The following ERC2 variants were observed in gnomAD, a reference collection of about 807,000 sequenced individuals.
ERC2 encodes the protein ERC protein 2.
In ERC2, 42 loss-of-function variants were observed where a neutral mutation model predicts 114.8. The observed-to-expected ratio is 0.37, with a 90% CI of 0.29 to 0.47. ERC2 has a LOEUF of 0.47. Ranked by LOEUF, ERC2 falls within the 20% of genes least tolerant of loss-of-function variation. The probability of loss-of-function intolerance (pLI) is 0.99; values close to 1 mark genes in which losing one functional copy is unlikely to be tolerated. For missense variants in ERC2, 939 were observed against 1,150.7 expected, an observed-to-expected ratio of 0.82 and a Z score of 2.66; for synonymous variants, 454 against 425.5, an observed-to-expected ratio of 1.07 and a Z score of -0.82.
chr3:55,559,256 G>GAT (rs2055839589), intron 17 of ERC2, among the ~76,000 whole-genome samples: 1 of 152,218 alleles, frequency 6.6e-6, no homozygotes, highest in East Asian at 1.9e-4. Flanking sequence ...GAAAGCAATG[G>GAT]TTCTCCAACT....
At chr3:55,531,694 G>A (rs2053678032) in intron 17 of ERC2, among the ~76,000 whole-genome samples, 1 of 152,164 alleles carries the variant, frequency 6.6e-6, no homozygotes, top group Admixed American at 6.5e-5. Flanking sequence ...CTGCTGATGG[G>A]AACCCTCAGC....
chr3:55,828,885 T>A (rs2060450329), intron 14 of ERC2, among the ~76,000 whole-genome samples: 1 of 152,178 alleles, frequency 6.6e-6, no homozygotes, highest in Non-Finnish European at 1.5e-5. Context: ...ATGCCTATAA[T>A]CCCAGCACTT....
At chr3:56,415,739 G>A (rs2061125473) in intron 2 of ERC2, among the ~76,000 whole-genome samples, 1 of 152,184 alleles carries the variant, frequency 6.6e-6, no homozygotes, top group Admixed American at 6.5e-5. Flanking sequence ...CTGGGGAAAT[G>A]CTGGTAGCTC....
intron 15 of ERC2, among the ~76,000 whole-genome samples, chr3:55,716,424 G>C (rs1002149087): frequency 1.3e-5 from 2 of 152,182 alleles, no homozygotes; most frequent in African/African-American, 4.8e-5. Flanking sequence ...ATAACTAGCA[G>C]GGTCCTGGAG....
rs146569804 is a variant in ERC2, at chr3:56,443,802, C to T, written c.-140-8655G>A. On this transcript the variant is annotated intron_variant, in intron 1 of 17. Transcript: ENST00000288221. Reference sequence around the variant, plus strand: ...CAATCATGTCTTCCATTGCCCATTACTGACTTAAAACTATTTTTAAGCTTT... The same window carrying T: ...CAATCATGTCTTCCATTGCCCATTATTGACTTAAAACTATTTTTAAGCTTT... Among the ~76,000 whole-genome samples, 1,510 of 152,086 alleles carry T rather than the reference C, an allele frequency of 9.9e-3. 25 individuals carry two copies. The highest frequency in any genetic ancestry group is 0.034 in the African/African-American group (1,429 of 41,478).
intron 2 of ERC2, among the ~76,000 whole-genome samples, chr3:56,298,139 C>T (rs1344826341): frequency 6.6e-6 from 1 of 152,174 alleles, no homozygotes; most frequent in African/African-American, 2.4e-5. Context: ...TTTAACATTA[C>T]CTCAGAGACA....
chr3:55,859,336 C>T (rs1330286025), intron 14 of ERC2, among the ~76,000 whole-genome samples: 1 of 151,774 alleles, frequency 6.6e-6, no homozygotes, highest in Non-Finnish European at 1.5e-5. Context: ...CTCGCAGTAA[C>T]TCTAAACTGT....
chr3:55,821,680 A>T (rs773214254), intron 14 of ERC2, among the ~76,000 whole-genome samples: 12 of 152,258 alleles, frequency 7.9e-5, no homozygotes, highest in Non-Finnish European at 1.8e-4. Flanking sequence ...AATGTCTCAC[A>T]GGGACCACCA....
intron 2 of ERC2, among the ~76,000 whole-genome samples, chr3:56,416,882 T>G (rs924613428): frequency 6.6e-6 from 1 of 152,196 alleles, no homozygotes; most frequent in African/African-American, 2.4e-5. Context: ...AGTCATCATA[T>G]TGTTTGACCT....
In ERC2 at chr3:55,661,619, C is replaced by T. The variant is rs142991404; in HGVS notation, c.*39+22175G>A. Among the ~76,000 whole-genome samples the T allele has an allele frequency of 1.6e-3, 243 of 152,306 alleles. 2 individuals carry two copies. Among genetic ancestry groups the T allele is most frequent in the African/African-American group, 5.7e-3 (239 of 41,566 alleles). On this transcript the variant is annotated intron_variant, in intron 17 of 17. Coordinates refer to ENST00000288221, the MANE Select transcript of ERC2 (RefSeq NM_015576.3). ...GATACTCTCTCTATTTTAAGATAAG[C>T]TGCAAAGTCCCTTCGTCCAGTACCT...
chr3:56,436,823 G>T (rs1326280893), intron 1 of ERC2, among the ~76,000 whole-genome samples: 1 of 152,174 alleles, frequency 6.6e-6, no homozygotes, highest in Non-Finnish European at 1.5e-5. Flanking sequence ...ATGTGGAAAG[G>T]GCCTCCCTGA....
intron 17 of ERC2, among the ~76,000 whole-genome samples, chr3:55,648,531 G>T (rs750701202): frequency 6.6e-6 from 1 of 152,190 alleles, no homozygotes; most frequent in Non-Finnish European, 1.5e-5. Context: ...GATGTGTCTC[G>T]CAGGCGGCTG....
intron 17 of ERC2, among the ~76,000 whole-genome samples, chr3:55,600,630 T>C (rs2058357380): frequency 6.6e-6 from 1 of 152,230 alleles, no homozygotes; most frequent in African/African-American, 2.4e-5. Context: ...TCTTCACTGA[T>C]TCCAGTATAT....
intron 3 of ERC2, among the ~76,000 whole-genome samples, chr3:56,234,483 C>T (rs2050817334): frequency 6.6e-6 from 1 of 152,158 alleles, no homozygotes; most frequent in Non-Finnish European, 1.5e-5. Flanking sequence ...TAAACTATTA[C>T]TAAAGGCAAA....
chr3:55,912,364 A>G (rs1284901515), intron 13 of ERC2, among the ~76,000 whole-genome samples: 1 of 152,238 alleles, frequency 6.6e-6, no homozygotes, highest in Non-Finnish European at 1.5e-5. Context: ...TAGGGAACAT[A>G]GTAGCATTCA....
intron 2 of ERC2, among the ~76,000 whole-genome samples, chr3:56,319,370 G>T (rs1233433273): frequency 6.6e-6 from 1 of 151,520 alleles, no homozygotes; most frequent in African/African-American, 2.4e-5. Context: ...AGGACATTAC[G>T]CTAAATAAAA....
At chr3:55,994,055 A>C (rs1576486961) in intron 10 of ERC2, among the ~76,000 whole-genome samples, 1 of 152,182 alleles carries the variant, frequency 6.6e-6, no homozygotes, top group Non-Finnish European at 1.5e-5. Context: ...TTTAAAATAC[A>C]CAGCTTTTAA....
chr3:56,370,292 G>T (rs962072787), intron 2 of ERC2, among the ~76,000 whole-genome samples: 2 of 152,150 alleles, frequency 1.3e-5, no homozygotes, highest in African/African-American at 4.8e-5. Flanking sequence ...TGCCCTGGAT[G>T]GAATACAGAT....
chr3:55,867,657 T>C (rs2062388414), intron 14 of ERC2, among the ~76,000 whole-genome samples: 1 of 152,236 alleles, frequency 6.6e-6, no homozygotes, highest in African/African-American at 2.4e-5. Flanking sequence ...GTCTTTTTCT[T>C]GAGTAAACTC....
Sources: allele counts gnomAD v4.1 joint callset (sites outside exome capture counted in the v4.1 genomes callset), GRCh38; gene constraint gnomAD v4.1.1; transcripts MANE v1.5; gene names NCBI Gene and HGNC (gene_info 2026-07-23, HGNC 2026-07-21).